RFX4: variants seen among roughly 807,000 people sequenced by gnomAD.
RFX4 encodes transcription factor RFX4.
Under a neutral mutation model 95.0 loss-of-function variants are expected in RFX4, and 10 were observed. That is an observed-to-expected ratio of 0.11 (90% CI 0.06 to 0.18). RFX4 has a LOEUF of 0.18. Ranked by LOEUF, RFX4 falls within the 10% of genes least tolerant of loss-of-function variation. The probability of loss-of-function intolerance (pLI) is 1.00; values close to 1 mark genes in which losing one functional copy is unlikely to be tolerated. For missense variants in RFX4, 640 were observed against 922.0 expected (o/e 0.69, Z 3.96); for synonymous variants, 321 against 340.7 (o/e 0.94, Z 0.64).
At position 106,720,361 on chromosome 12, in the gene RFX4, G is replaced by A. The variant is rs2042372591; in HGVS notation, c.1233+307G>A. Among the ~76,000 whole-genome samples, 1 of 152,084 alleles carries A rather than the reference G, an allele frequency of 6.6e-6. No homozygotes were observed. The highest frequency in any genetic ancestry group is 1.5e-5 in the Non-Finnish European group (1 of 67,998). ...ATAGCATTGACTTTGAAGACCATAA[G>A]CCTTCCTGTCATTTTTCTGTATTTA... is the stretch of plus-strand genomic sequence containing the variant. On this transcript the variant is annotated intron_variant, in intron 12 of 17. Coordinates refer to ENST00000392842, the MANE Select transcript of RFX4 (RefSeq NM_213594.3). The surrounding 1 kb of genome is among the most constrained non-coding windows in gnomAD (Gnocchi z 4.2).
At chr12:106,607,406 A>T (rs1334246431) in intron 1 of RFX4, among the ~76,000 whole-genome samples, 1 of 152,190 alleles carries the variant, frequency 6.6e-6, no homozygotes, top group Non-Finnish European at 1.5e-5. Context: ...AAAGACCTGA[A>T]GATTGCTTTT....
Position 106,687,561 on chromosome 12 carries a change from A to AAAAAAAAAAAAG in RFX4, c.591+468_591+469insAAAAAAAGAAAA, listed in dbSNP as rs1428297670. ...CGAAACTCCATCTCAAAAAAAAAAA[A>AAAAAAAAAAAAG]AAAAGAAAAGAAATCAAAATAAAGC... is the stretch of plus-strand genomic sequence containing the variant. On this transcript the variant is annotated intron_variant, in intron 6 of 17. Transcript: ENST00000392842. 3.4e-4 allele frequency among the ~76,000 whole-genome samples: 51 copies of AAAAAAAAAAAAG among 152,102 alleles called. 1 individual carries two copies. Among genetic ancestry groups the AAAAAAAAAAAAG allele is most frequent in the African/African-American group, 1.1e-3 (47 of 41,498 alleles).
intron 4 of RFX4, among the ~76,000 whole-genome samples, chr12:106,670,965 T>C (rs1425572903): frequency 6.7e-6 from 1 of 150,070 alleles, no homozygotes; most frequent in Non-Finnish European, 1.5e-5. Context: ...TTGTTTCTTA[T>C]GTGTGTTTTT....
intron 2 of RFX4, among the ~76,000 whole-genome samples, chr12:106,638,491 A>AACACTT (rs76601128): frequency 0.2 from 29,675 of 151,870 alleles, 3,544 homozygotes; most frequent in African/African-American, 0.35. Context: ...GATTCTTCTG[A>AACACTT]ACACTTTCCC....
intron 3 of RFX4, chr12:106,645,860 CACA>C: frequency 7.9e-7 from 1 of 1,272,690 alleles, no homozygotes; most frequent in Non-Finnish European, 1.0e-6. Flanking sequence ...TAGCTCTGAA[CACA>C]ACCAGTGTTG....
At chr12:106,756,542 G>C (rs1047824850) in intron 17 of RFX4, among the ~76,000 whole-genome samples, 4 of 148,924 alleles carry the variant, frequency 2.7e-5, no homozygotes, top group Admixed American at 2.0e-4. Flanking sequence ...CTGTACTTTG[G>C]GTTGGTGTCT....
intron 4 of RFX4, among the ~76,000 whole-genome samples, chr12:106,654,761 G>A (rs1216766768): frequency 6.6e-6 from 1 of 152,068 alleles, no homozygotes; most frequent in Non-Finnish European, 1.5e-5. Flanking sequence ...TGCAAAGAGT[G>A]GTACTATTTG....
At chr12:106,633,318 C>T (rs1271867161) in intron 2 of RFX4, among the ~76,000 whole-genome samples, 1 of 152,200 alleles carries the variant, frequency 6.6e-6, no homozygotes, top group African/African-American at 2.4e-5. Context: ...GTCCTGTTTC[C>T]ATTCACCAGC....
chr12:106,684,959 T>C, intron 5 of RFX4: 1 of 1,606,850 alleles, frequency 6.2e-7, no homozygotes, highest in Non-Finnish European at 8.5e-7. Context: ...GACGTGCTCA[T>C]CTCTTCCCTC....
intron 3 of RFX4, among the ~76,000 whole-genome samples, chr12:106,652,249 G>A (rs2040869124): frequency 1.3e-5 from 2 of 152,154 alleles, no homozygotes. Flanking sequence ...ACATTGCCTG[G>A]CACTTAGTAA....
intron 4 of RFX4, among the ~76,000 whole-genome samples, chr12:106,672,931 C>A (rs936368812): frequency 2.0e-5 from 3 of 152,140 alleles, no homozygotes; most frequent in Non-Finnish European, 4.4e-5. Flanking sequence ...CATCCCCCAT[C>A]CCCTACTCAC....
At chr12:106,729,418 T>A (rs1033831695) in intron 13 of RFX4, among the ~76,000 whole-genome samples, 4 of 152,216 alleles carry the variant, frequency 2.6e-5, no homozygotes, top group Non-Finnish European at 4.4e-5. Context: ...TTATTAAGCA[T>A]CTAATATACA....
chr12:106,591,336 C>T (rs898711203), intron 1 of RFX4, among the ~76,000 whole-genome samples: 3 of 139,280 alleles, frequency 2.2e-5, no homozygotes, highest in Non-Finnish European at 3.0e-5. Flanking sequence ...GGCTCAATCT[C>T]GGCTCACTGC....
At chr12:106,613,416 G>A (rs904670064) in intron 2 of RFX4, among the ~76,000 whole-genome samples, 1 of 150,304 alleles carries the variant, frequency 6.7e-6, no homozygotes, top group African/African-American at 2.5e-5. Flanking sequence ...AGGCTGGAGT[G>A]CAATGGCACA....
chr12:106,683,478 A>AAAC (rs1565977687), intron 5 of RFX4: 3 of 147,880 alleles, frequency 2.0e-5, no homozygotes, highest in African/African-American at 7.5e-5. Context: ...AAAAAAAAAA[A>AAAC]AAAAAAAAAA....
intron 2 of RFX4, among the ~76,000 whole-genome samples, chr12:106,614,667 C>T (rs2040037230): frequency 6.6e-6 from 1 of 151,834 alleles, no homozygotes; most frequent in Non-Finnish European, 1.5e-5. Flanking sequence ...CGCCACCACG[C>T]CCGGCTAATT....
intron 3 of RFX4, among the ~76,000 whole-genome samples, chr12:106,641,494 G>C: frequency 6.6e-6 from 1 of 152,202 alleles, no homozygotes; most frequent in African/African-American, 2.4e-5. Flanking sequence ...GGACCACCTG[G>C]AGCAGGCCCC....
chr12:106,658,937 T>C (rs563664990), intron 4 of RFX4, among the ~76,000 whole-genome samples: 1 of 152,240 alleles, frequency 6.6e-6, no homozygotes, highest in East Asian at 1.9e-4. Flanking sequence ...TTCTTAGAGA[T>C]GCCCAGAGGA....
rs1378647785 is a variant in RFX4, at chr12:106,720,319, A to C, written c.1233+265A>C. Among the ~76,000 whole-genome samples the C allele has an allele frequency of 6.6e-6, 1 of 152,246 alleles. No homozygotes were observed. Among genetic ancestry groups the C allele is most frequent in the African/African-American group, 2.4e-5 (1 of 41,464 alleles). ...AAGTTTTTTTGCTGCTACAAACAAA[A>C]CAAAAACCATTGCTCCATAGCATTG... is the stretch of plus-strand genomic sequence containing the variant. On this transcript the variant is annotated intron_variant, in intron 12 of 17. Transcript: ENST00000392842. This position sits in a 1 kb window ranked among gnomAD's most constrained non-coding sequence, Gnocchi z 4.2.
Sources: gnomAD v4.1 joint callset for allele counts (sites outside exome capture counted in the v4.1 genomes callset) on GRCh38, gnomAD v4.1.1 for gene constraint, Gnocchi (gnomAD v3.1) non-coding constraint, MANE v1.5 for transcripts, NCBI Gene and HGNC (gene_info 2026-07-23, HGNC 2026-07-21) for gene names.